IQCJ: variants seen among roughly 807,000 people sequenced by gnomAD.
The protein encoded by IQCJ is IQ motif containing J.
A neutral mutation model predicts 11.0 loss-of-function variants in IQCJ; 9 were observed. The observed-to-expected ratio is 0.82, with a 90% confidence interval of 0.49 to 1.43. The LOEUF (loss-of-function observed/expected upper bound fraction) is 1.43, where lower values mean the gene tolerates loss of function less well. Ranked by LOEUF, IQCJ falls within the 40% of genes most tolerant of loss-of-function variation. The pLI is 0.00. For synonymous variants in IQCJ, 55 were observed against 51.3 expected (o/e 1.07, Z -0.31); for missense variants, 146 against 133.2 (o/e 1.10, Z -0.47).
intron 1 of IQCJ, among the ~76,000 whole-genome samples, chr3:159,243,048 A>G (rs1039405369): frequency 2.6e-5 from 4 of 152,206 alleles, no homozygotes; most frequent in Non-Finnish European, 5.9e-5. Context: ...TCACAATAAG[A>G]TATCACAAAT....
chr3:159,230,545 G>T (rs1726185595), intron 1 of IQCJ, among the ~76,000 whole-genome samples: 1 of 152,102 alleles, frequency 6.6e-6, no homozygotes, highest in African/African-American at 2.4e-5. Flanking sequence ...ATCAAGTGTA[G>T]AAGTAAGCTT....
intron 1 of IQCJ, among the ~76,000 whole-genome samples, chr3:159,080,505 A>G (rs1224045766): frequency 6.6e-6 from 1 of 152,288 alleles, no homozygotes; most frequent in Admixed American, 6.5e-5. Flanking sequence ...CCCCGCTGTC[A>G]GAGTAATTCC....
At chr3:159,237,779 A>C (rs972329190) in intron 1 of IQCJ, among the ~76,000 whole-genome samples, 3 of 152,228 alleles carry the variant, frequency 2.0e-5, no homozygotes, top group Non-Finnish European at 4.4e-5. Flanking sequence ...CAGGTCCTTG[A>C]GTAGTGACAG....
At chr3:159,093,048 A>G (rs1717451045) in intron 1 of IQCJ, among the ~76,000 whole-genome samples, 7 of 151,730 alleles carry the variant, frequency 4.6e-5, no homozygotes, top group Admixed American at 4.6e-4. Context: ...TGGTAGTTCA[A>G]ACTTTGACTC....
chr3:159,210,464 G>A (rs917945093), intron 1 of IQCJ, among the ~76,000 whole-genome samples: 1 of 152,092 alleles, frequency 6.6e-6, no homozygotes, highest in Non-Finnish European at 1.5e-5. Context: ...TGCTTGTTTT[G>A]AGATTAAGTG....
intron 1 of IQCJ, among the ~76,000 whole-genome samples, chr3:159,163,000 A>T (rs1351161923): frequency 1.3e-5 from 2 of 152,230 alleles, no homozygotes; most frequent in Non-Finnish European, 2.9e-5. Flanking sequence ...AGGTACAAGG[A>T]GGAACTGGTA....
At chr3:159,234,134 T>C (rs1210879004) in intron 1 of IQCJ, among the ~76,000 whole-genome samples, 1 of 152,212 alleles carries the variant, frequency 6.6e-6, no homozygotes, top group Non-Finnish European at 1.5e-5. Context: ...ACCTCATTTC[T>C]GCTATAAGAC....
rs573995706 is a variant in IQCJ, at chr3:159,090,054, T to C, written c.9+20613T>C. On this transcript the variant is annotated intron_variant, in intron 1 of 3. Transcript: ENST00000397832. ...TTTTTTCCCCATCTTTGTGGTTTTA[T>C]CTACTTTTGGTCTTTGATGATGGTG... Among the ~76,000 whole-genome samples, 85 of 151,930 alleles carry C rather than the reference T, an allele frequency of 5.6e-4. 1 individual carries two copies. Among genetic ancestry groups the C allele is most frequent in the African/African-American group, 1.9e-3 (79 of 41,188 alleles).
chr3:159,121,772 C>T (rs185588919), intron 1 of IQCJ, among the ~76,000 whole-genome samples: 145 of 152,240 alleles, frequency 9.5e-4, no homozygotes, highest in African/African-American at 3.0e-3. Flanking sequence ...GGTTACCAAA[C>T]GCACCTGGGG....
chr3:159,112,255 A>G (rs1448069321), intron 1 of IQCJ, among the ~76,000 whole-genome samples: 1 of 151,860 alleles, frequency 6.6e-6, no homozygotes, highest in Non-Finnish European at 1.5e-5. Context: ...GAGTCAAGAA[A>G]CCCCAGAGAT....
At chr3:159,188,447 A>G (rs1280767643) in intron 1 of IQCJ, among the ~76,000 whole-genome samples, 1 of 152,054 alleles carries the variant, frequency 6.6e-6, no homozygotes, top group Non-Finnish European at 1.5e-5. Flanking sequence ...AAACAAAAAA[A>G]CAACAAAAAT....
chr3:159,094,268 A>G (rs958462448), intron 1 of IQCJ, among the ~76,000 whole-genome samples: 1 of 151,628 alleles, frequency 6.6e-6, no homozygotes, highest in African/African-American at 2.4e-5. Flanking sequence ...AAAAAACTAG[A>G]TATTAGATAT....
intron 2 of IQCJ, among the ~76,000 whole-genome samples, chr3:159,247,414 T>A (rs1231232774): frequency 6.6e-6 from 1 of 152,166 alleles, no homozygotes; most frequent in Non-Finnish European, 1.5e-5. Context: ...GGGTTCTATG[T>A]GACATGGGAT....
chr3:159,211,344 CT>C (rs1344463135), intron 1 of IQCJ, among the ~76,000 whole-genome samples: 2 of 152,120 alleles, frequency 1.3e-5, no homozygotes, highest in African/African-American at 2.4e-5. Context: ...TTAACAAAAC[CT>C]TTGCAGCAAA....
At chr3:159,120,215 A>G (rs980223073) in intron 1 of IQCJ, among the ~76,000 whole-genome samples, 1 of 152,104 alleles carries the variant, frequency 6.6e-6, no homozygotes, top group Non-Finnish European at 1.5e-5. Flanking sequence ...CTAGAGCTAT[A>G]TTTGTAGTAG....
chr3:159,217,327 C>G (rs887501776), intron 1 of IQCJ, among the ~76,000 whole-genome samples: 3 of 152,074 alleles, frequency 2.0e-5, no homozygotes, highest in African/African-American at 7.2e-5. Context: ...GAGTTGTCAT[C>G]CAGATTTCAA....
At chr3:159,101,357 C>G (rs373881554) in intron 1 of IQCJ, among the ~76,000 whole-genome samples, 2 of 151,960 alleles carry the variant, frequency 1.3e-5, no homozygotes. Context: ...AGCTGTAGAC[C>G]GGAGCTGTTC....
At chr3:159,085,157 A>G (rs1404615580) in intron 1 of IQCJ, among the ~76,000 whole-genome samples, 1 of 151,826 alleles carries the variant, frequency 6.6e-6, no homozygotes, top group Non-Finnish European at 1.5e-5. Context: ...TATTAGTGAG[A>G]ATATGCAGTG....
At chr3:159,162,007 G>A (rs1413640963) in intron 1 of IQCJ, among the ~76,000 whole-genome samples, 8 of 152,154 alleles carry the variant, frequency 5.3e-5, no homozygotes, top group Admixed American at 1.3e-4. Context: ...TTGACTTGGC[G>A]ACACGGGCTC....
Sources: allele counts gnomAD v4.1 joint callset (sites outside exome capture counted in the v4.1 genomes callset), GRCh38; gene constraint gnomAD v4.1.1; transcripts MANE v1.5; gene names NCBI Gene and HGNC (gene_info 2026-07-23, HGNC 2026-07-21).